The following CEP95 variants were observed in gnomAD, a reference collection of about 807,000 sequenced individuals.
The protein encoded by CEP95 is centrosomal protein of 95 kDa.
CEP95 carries 98 observed loss-of-function variants against 111.2 expected under a neutral mutation model. The observed-to-expected ratio is 0.88, with a 90% confidence interval of 0.75 to 1.04. The LOEUF is 1.04. CEP95 is among the 50% of genes least tolerant of loss of function. The probability of loss-of-function intolerance (pLI) is 0.00; values close to 1 mark genes in which losing one functional copy is unlikely to be tolerated. For missense variants in CEP95, 1,027 were observed against 977.2 expected (o/e 1.05, Z -0.68); for synonymous variants, 323 against 327.1 (o/e 0.99, Z 0.14).
At chr17:64,507,280 A>G (rs556114500) in intron 1 of CEP95, 164 bp downstream of exon 1, 6 of 1,473,164 alleles carry the variant, frequency 4.1e-6, no homozygotes, top group Non-Finnish European at 5.4e-6. Context: ...CAGCTTCACC[A>G]CCTCTTCGCT....
Position 64,525,759 on chromosome 17 carries a change from GT to G in CEP95, c.910-6del. The G allele has an allele frequency of 6.4e-7, 1 of 1,566,380 alleles. No individual in the cohort carries two copies. The highest frequency in any genetic ancestry group is 1.2e-5 in the South Asian group (1 of 85,846). On this transcript the variant is annotated splice_polypyrimidine_tract_variant and intron_variant, in intron 8 of 19. Transcript: ENST00000556440. ...GCTTTTTCAAATCAACTTTTTTTCT[GT>G]TTTTAATAGGATCTAGATGATGGAC...
At chr17:64,518,977 G>A (rs536529754) in intron 5 of CEP95, among the ~76,000 whole-genome samples, 1 of 152,078 alleles carries the variant, frequency 6.6e-6, no homozygotes, top group Non-Finnish European at 1.5e-5. Flanking sequence ...TACCATGCCC[G>A]GCCTGATGAA....
In CEP95 at chr17:64,533,018, TGTCA is replaced by T. The variant is rs782352646; in HGVS notation, c.1842+14_1842+17del. On this transcript the variant is annotated intron_variant, in intron 15 of 19. Transcript: ENST00000556440. ...GAAACTCCAAGATGAAGTAAGTTAC[TGTCA>T]GTCTTAAGCATAGGAATTTAAATGA... 15 of 1,611,042 alleles carry T rather than the reference TGTCA, an allele frequency of 9.3e-6. No homozygotes were observed. The African/African-American group carries it at 2.0e-4, about 22-fold the overall frequency.
chr17:64,528,023 C>CA (rs1967996595), intron 11 of CEP95, among the ~76,000 whole-genome samples: 3 of 151,868 alleles, frequency 2.0e-5, no homozygotes, highest in African/African-American at 4.8e-5. Context: ...GTGATATCTC[C>CA]ATCTAGTAGG....
intron 2 of CEP95, among the ~76,000 whole-genome samples, 169 bp downstream of exon 2, chr17:64,508,889 T>C (rs1330452574): frequency 6.6e-6 from 1 of 151,034 alleles, no homozygotes; most frequent in Non-Finnish European, 1.5e-5. Flanking sequence ...AAAATAAATA[T>C]TGTATATTAA....
intron 8 of CEP95, among the ~76,000 whole-genome samples, chr17:64,524,177 T>A (rs1967604435): frequency 2.0e-5 from 3 of 152,226 alleles, no homozygotes; most frequent in Non-Finnish European, 4.4e-5. Flanking sequence ...TTGGTAATAC[T>A]CTGTTTCTTG....
intron 3 of CEP95, 83 bp from the exon 4 acceptor site, chr17:64,514,165 C>A: frequency 1.7e-6 from 1 of 575,292 alleles, no homozygotes; most frequent in Non-Finnish European, 3.2e-6. Flanking sequence ...AGCATTTTCA[C>A]AATGTTATAT....
intron 3 of CEP95, among the ~76,000 whole-genome samples, chr17:64,510,853 C>T (rs983572860): frequency 6.6e-5 from 10 of 152,172 alleles, no homozygotes; most frequent in African/African-American, 1.4e-4. Context: ...GCCTGGCCTT[C>T]GGGGAACCTG....
Position 64,537,672 on chromosome 17 carries a change from A to C in CEP95, c.2359A>C (p.Ile787Leu), listed in dbSNP as rs782237628. Residue 787 changes from isoleucine (I) to leucine (L), a missense_variant, in exon 20 of 20, where the codon ATA becomes CTA. Transcript: ENST00000556440. ...GGAAATTCAGCAGCTGCAGGACATGATAACACAGAATGATGATGATGTTTT... is the reference window on the plus strand; with the variant it reads ...GGAAATTCAGCAGCTGCAGGACATGCTAACACAGAATGATGATGATGTTTT... ...EKEIQQLQDM[I>L]TQNDDDVFFR... The C allele has an allele frequency of 6.2e-7, 1 of 1,613,436 alleles. No individual in the cohort carries two copies. Among genetic ancestry groups the C allele is most frequent in the Non-Finnish European group, 8.5e-7 (1 of 1,179,638 alleles).
At chr17:64,531,080 T>A in intron 13 of CEP95, 62 bp downstream of exon 13, 2 of 975,926 alleles carry the variant, frequency 2.0e-6, no homozygotes, top group Non-Finnish European at 3.0e-6. Flanking sequence ...AGTACAAAGA[T>A]GATCTTTTTA....
intron 11 of CEP95, among the ~76,000 whole-genome samples, chr17:64,527,860 G>T (rs73993974): frequency 3.8e-5 from 5 of 131,634 alleles, no homozygotes; most frequent in African/African-American, 1.5e-4. Context: ...TAATGTGTGT[G>T]TGTGTGTGTG....
intron 16 of CEP95, chr17:64,534,347 T>A (rs946349454): frequency 2.4e-6 from 1 of 417,372 alleles, no homozygotes; most frequent in Admixed American, 4.0e-5. Context: ...GAGCCCTCAG[T>A]TCCACAGGAG....
At chr17:64,524,542 C>T (rs986527667) in intron 8 of CEP95, among the ~76,000 whole-genome samples, 1 of 152,130 alleles carries the variant, frequency 6.6e-6, no homozygotes, top group Non-Finnish European at 1.5e-5. Flanking sequence ...TCTCAAACTC[C>T]TGGCCTCACC....
chr17:64,519,225 T>A, intron 5 of CEP95, 96 bp from the exon 6 acceptor site: 11 of 711,572 alleles, frequency 1.5e-5, no homozygotes, highest in South Asian at 3.5e-5. Context: ...AAAGGGAGAG[T>A]CTTTTCCTTT....
intron 8 of CEP95, among the ~76,000 whole-genome samples, chr17:64,523,683 G>A (rs538011139): frequency 6.6e-6 from 1 of 152,300 alleles, no homozygotes; most frequent in African/African-American, 2.4e-5. Flanking sequence ...GGAGGCTCAT[G>A]TGAGTGCCAG....
Position 64,537,766 on chromosome 17 carries a change from G to A in CEP95, c.2453G>A (p.Ser818Asn). The A allele has an allele frequency of 1.3e-6, 2 of 1,597,732 alleles. No homozygotes were observed. The highest frequency in any genetic ancestry group is 8.5e-7 in the Non-Finnish European group (1 of 1,171,674). Residue 818 changes from serine to asparagine, a missense_variant, in exon 20 of 20, where the codon AGT (serine) becomes AAT (asparagine). Transcript: ENST00000556440. ...CTGGCTTCCTTTCAGTACAGTAAAA[G>A]TCCCTCCCTATGAGGCCAGACTTGA... ...LQLASFQYSKSPSL is the reference protein window; with the variant it reads ...LQLASFQYSKNPSL
intron 3 of CEP95, 130 bp downstream of exon 3, chr17:64,510,410 C>T: frequency 1.6e-6 from 1 of 638,442 alleles, no homozygotes. Flanking sequence ...TGAGCTAAGA[C>T]AATCAACTGA....
intron 8 of CEP95, among the ~76,000 whole-genome samples, chr17:64,524,040 C>T (rs1967589010): frequency 6.6e-6 from 1 of 151,886 alleles, no homozygotes; most frequent in Non-Finnish European, 1.5e-5. Context: ...AATAGGTGAC[C>T]ACATTCTCAA....
At position 64,507,106 on chromosome 17, in the gene CEP95, C is replaced by T. The variant is rs782223148; in HGVS notation, c.9C>T (p.Gly3=). Reference sequence around the variant, plus strand: ...CGACCTGCCTCTGAAACATGGCAGGCTCGGATGCTGGTGAGTGTCTCCCTG... The same window carrying T: ...CGACCTGCCTCTGAAACATGGCAGGTTCGGATGCTGGTGAGTGTCTCCCTG... The part of the protein sequence containing the change: MA[G]SDAEWVTIAN... Residue 3 remains glycine (G), a synonymous_variant, in exon 1 of 20, where the codon GGC becomes GGT. Transcript: ENST00000556440. 1.2e-5 allele frequency: 18 copies of T among 1,551,270 alleles called. No individual in the cohort carries two copies. Among genetic ancestry groups the T allele is most frequent in the Non-Finnish European group, 1.6e-5 (18 of 1,146,922 alleles).
Sources: gnomAD v4.1 joint callset for allele counts (sites outside exome capture counted in the v4.1 genomes callset) on GRCh38, gnomAD v4.1.1 for gene constraint, MANE v1.5 for transcripts, NCBI Gene and HGNC (gene_info 2026-07-23, HGNC 2026-07-21) for gene names.